USO1: variants seen among roughly 807,000 people sequenced by gnomAD.
USO1 encodes general vesicular transport factor p115.
A neutral mutation model predicts 124.5 loss-of-function variants in USO1; 57 were observed. The ratio of observed to expected loss-of-function variants is 0.46; its 90% confidence interval spans 0.37 to 0.57. The LOEUF (loss-of-function observed/expected upper bound fraction) is 0.57. Among genes scored for constraint, USO1 ranks in the 20% least tolerant of loss-of-function variants. The pLI is 0.00. For missense variants in USO1, 900 were observed against 1,040.6 expected (o/e 0.86, Z 1.86); for synonymous variants, 369 against 362.8 (o/e 1.02, Z -0.19).
intron 19 of USO1, 79 bp from the exon 20 acceptor site, chr4:75,806,407 A>G (rs1238639439): frequency 1.3e-6 from 2 of 1,494,580 alleles, no homozygotes; most frequent in African/African-American, 1.4e-5. Flanking sequence ...GATATAGTTT[A>G]TATGTGTACA....
At position 75,739,719 on chromosome 4, in the gene USO1, G is replaced by T. The variant is rs1019214389; in HGVS notation, c.67-12654G>T. Among the ~76,000 whole-genome samples, 4 of 151,478 alleles carry T rather than the reference G, an allele frequency of 2.6e-5. No homozygotes were observed. In the East Asian group the frequency reaches 7.8e-4, roughly 29 times the overall value. On this transcript the variant is annotated intron_variant, in intron 1 of 23. Transcript: ENST00000514213. ...GCTCCACCACACTCAGCTAGTTTTTGTATTTTTAGTAGAGACAGGGTTTCA... is the reference window on the plus strand; with the variant it reads ...GCTCCACCACACTCAGCTAGTTTTTTTATTTTTAGTAGAGACAGGGTTTCA...
intron 9 of USO1, among the ~76,000 whole-genome samples, chr4:75,786,486 T>A (rs1251992956): frequency 1.3e-5 from 2 of 152,236 alleles, no homozygotes; most frequent in African/African-American, 4.8e-5. Flanking sequence ...AGATGACTTT[T>A]TTCATGTTTC....
chr4:75,772,517 G>T (rs184861641), intron 7 of USO1, among the ~76,000 whole-genome samples: 1 of 152,086 alleles, frequency 6.6e-6, no homozygotes, highest in Non-Finnish European at 1.5e-5. Flanking sequence ...GATTACAGGC[G>T]TGAGCCACCG....
chr4:75,793,760 C>T lies in USO1; in HGVS notation c.1311C>T (p.Asn437=). 6.2e-7 allele frequency: 1 copy of T among 1,613,774 alleles called. No homozygotes were observed. The highest frequency in any genetic ancestry group is 8.5e-7 in the Non-Finnish European group (1 of 1,179,810). Residue 437 remains asparagine (N), a synonymous_variant, in exon 13 of 24, where the codon AAC becomes AAT. Coordinates refer to ENST00000514213, the MANE Select transcript of USO1 (RefSeq NM_003715.4). ...GGLFSTDSLS[N]WCAAVALAHA... ...TGTTTTCTACTGATTCACTTTCAAA[C>T]TGGTGTGCTGCTGTGGCCCTTGCCC...
intron 9 of USO1, among the ~76,000 whole-genome samples, chr4:75,784,460 C>T (rs995795729): frequency 1.3e-5 from 2 of 152,176 alleles, no homozygotes; most frequent in African/African-American, 4.8e-5. Context: ...GAGGAAGCTA[C>T]ACATGTTTTA....
Position 75,738,306 on chromosome 4 carries a change from A to G in USO1, c.66+13421A>G, listed in dbSNP as rs1720853886. Reference sequence around the variant, plus strand: ...ACCCCATCTCTACTAATAATATAAAAATTAGCTGGGCATGGTGGCACATGC... The same window carrying G: ...ACCCCATCTCTACTAATAATATAAAGATTAGCTGGGCATGGTGGCACATGC... On this transcript the variant is annotated intron_variant, in intron 1 of 23. Coordinates refer to ENST00000514213, the MANE Select transcript of USO1 (RefSeq NM_003715.4). 2.6e-5 allele frequency among the ~76,000 whole-genome samples: 4 copies of G among 151,884 alleles called. No homozygotes were observed. In the South Asian group the frequency reaches 8.3e-4, roughly 32 times the overall value.
intron 19 of USO1, 102 bp downstream of exon 19, chr4:75,805,405 T>C: frequency 2.1e-6 from 3 of 1,419,528 alleles, no homozygotes; most frequent in Non-Finnish European, 2.8e-6. Context: ...GAATATCATA[T>C]GTTAAGATTT....
intron 11 of USO1, 97 bp downstream of exon 11, chr4:75,790,335 T>G: frequency 2.1e-6 from 3 of 1,426,438 alleles, no homozygotes; most frequent in Non-Finnish European, 2.8e-6. Flanking sequence ...TAAAGAAGTT[T>G]AGTTGTATGT....
intron 22 of USO1, among the ~76,000 whole-genome samples, chr4:75,811,922 C>A (rs1198805662): frequency 3.3e-5 from 5 of 151,996 alleles, no homozygotes; most frequent in Admixed American, 3.3e-4. Context: ...TCAGGGATAG[C>A]TAACTAAAAC....
At position 75,800,353 on chromosome 4, in the gene USO1, T is replaced by C. The variant is rs1376733750; in HGVS notation, c.1566T>C (p.Leu522=). The C allele has an allele frequency of 1.3e-6, 2 of 1,583,908 alleles. No homozygotes were observed. Among genetic ancestry groups the C allele is most frequent in the East Asian group, 2.3e-5 (1 of 44,076 alleles). ...AGCCTCCTTAACAAAGATTTCAGCT[T>C]ACAGGACAAATTGCAGAAAATCTTG... ...FLHNSANVPF[L]TGQIAENLGE... is the part of the protein sequence containing the mutation. The change falls in exon 15 of 24, where the codon CTT becomes CTC. Residue 522 remains leucine (L), a splice_region_variant and synonymous_variant. Transcript: ENST00000514213.
In USO1 at chr4:75,770,549, G is replaced by A; in HGVS notation, c.396+10G>A. On this transcript the variant is annotated intron_variant, in intron 5 of 23. Coordinates refer to ENST00000514213, the MANE Select transcript of USO1 (RefSeq NM_003715.4). Reference sequence around the variant, plus strand: ...GTTATCTTTATTGGAGGTAAATAGGGAACCTTGATGTTTTTGTCATCTTAA... The same window carrying A: ...GTTATCTTTATTGGAGGTAAATAGGAAACCTTGATGTTTTTGTCATCTTAA... 2 of 1,551,318 alleles carry A rather than the reference G, an allele frequency of 1.3e-6. No individual in the cohort carries two copies. Among genetic ancestry groups the A allele is most frequent in the Non-Finnish European group, 1.7e-6 (2 of 1,149,196 alleles).
intron 11 of USO1, 31 bp from the exon 12 acceptor site, chr4:75,790,612 C>G (rs752279765): frequency 1.5e-5 from 23 of 1,582,706 alleles, no homozygotes; most frequent in Non-Finnish European, 1.8e-5. Context: ...TGCAATGTTT[C>G]ATTTTGTTCT....
At chr4:75,791,809 A>G (rs1027311044) in intron 12 of USO1, among the ~76,000 whole-genome samples, 1 of 146,850 alleles carries the variant, frequency 6.8e-6, no homozygotes, top group Admixed American at 6.9e-5. Context: ...CCAAAAAAAA[A>G]TTTGGTAAAA....
intron 1 of USO1, among the ~76,000 whole-genome samples, chr4:75,751,979 G>C (rs982485899): frequency 6.6e-6 from 1 of 152,240 alleles, no homozygotes; most frequent in African/African-American, 2.4e-5. Context: ...TTAGGAAAAA[G>C]ATGATGTAAA....
At chr4:75,791,485 C>CTGCA (rs1159447385) in intron 12 of USO1, among the ~76,000 whole-genome samples, 2 of 152,160 alleles carry the variant, frequency 1.3e-5, no homozygotes, top group African/African-American at 4.8e-5. Flanking sequence ...GATTGTGCCA[C>CTGCA]TGCACTCCAG....
At position 75,813,187 on chromosome 4, in the gene USO1, A is replaced by T; in HGVS notation, c.2800-19A>T. 6.3e-7 allele frequency: 1 copy of T among 1,595,744 alleles called. No individual in the cohort carries two copies. Among genetic ancestry groups the T allele is most frequent in the Non-Finnish European group, 8.5e-7 (1 of 1,174,996 alleles). ...CATGAACAGATTTTCACAATATTAA[A>T]TACGTCTTTTTCCTCTAGGTTGAAG... On this transcript the variant is annotated intron_variant, in intron 23 of 23. Coordinates refer to ENST00000514213, the MANE Select transcript of USO1 (RefSeq NM_003715.4).
intron 19 of USO1, 76 bp downstream of exon 19, chr4:75,805,379 T>C: frequency 6.9e-7 from 1 of 1,444,236 alleles, no homozygotes; most frequent in East Asian, 2.6e-5. Context: ...TTTTTTTCCT[T>C]GGATCTCTTA....
chr4:75,802,437 ATTACTC>A (rs1259866243), intron 17 of USO1, among the ~76,000 whole-genome samples: 1 of 152,190 alleles, frequency 6.6e-6, no homozygotes, highest in Non-Finnish European at 1.5e-5. Flanking sequence ...GATTGACACA[ATTACTC>A]TAATGACTTC....
chr4:75,787,291 A>G, intron 10 of USO1, 89 bp downstream of exon 10: 4 of 1,347,026 alleles, frequency 3.0e-6, no homozygotes, highest in South Asian at 2.4e-5. Context: ...GAAAAACTAC[A>G]ATAGTTAACC....
Sources: gnomAD v4.1 joint callset for allele counts (sites outside exome capture counted in the v4.1 genomes callset) on GRCh38, gnomAD v4.1.1 for gene constraint, MANE v1.5 for transcripts, NCBI Gene and HGNC (gene_info 2026-07-23, HGNC 2026-07-21) for gene names.